DPP6: variants seen among roughly 807,000 people sequenced by gnomAD.
The protein encoded by DPP6 is A-type potassium channel modulatory protein DPP6.
In DPP6, 69 loss-of-function variants were observed where a neutral mutation model predicts 122.6. The ratio of observed to expected loss-of-function variants is 0.56; its 90% CI spans 0.46 to 0.69. The LOEUF (loss-of-function observed/expected upper bound fraction) is 0.69, where lower values mean the gene tolerates loss of function less well. DPP6 is among the 30% of genes least tolerant of loss of function. The pLI is 0.00. For missense variants in DPP6, 928 were observed against 1,116.9 expected (o/e 0.83, Z 2.41); for synonymous variants, 418 against 433.1 (o/e 0.97, Z 0.43).
At chr7:154,130,783 C>A (rs1481149070) in intron 1 of DPP6, among the ~76,000 whole-genome samples, 1 of 151,916 alleles carries the variant, frequency 6.6e-6, no homozygotes. Context: ...GCAGGATATA[C>A]CAACCTGAGA....
intron 10 of DPP6, among the ~76,000 whole-genome samples, chr7:154,780,278 T>A (rs1796941416): frequency 6.6e-6 from 1 of 152,228 alleles, no homozygotes; most frequent in Non-Finnish European, 1.5e-5. Flanking sequence ...GGATCATTAA[T>A]AAAAATGTTC....
At chr7:154,629,374 G>T (rs1200699933) in intron 5 of DPP6, among the ~76,000 whole-genome samples, 4 of 151,484 alleles carry the variant, frequency 2.6e-5, no homozygotes, top group Admixed American at 6.6e-5. Flanking sequence ...TCTCACCCCT[G>T]ACATCTCATG....
chr7:154,776,199 T>TAATAGATAGATAGATA (rs1554463870), intron 10 of DPP6, among the ~76,000 whole-genome samples: 1 of 148,442 alleles, frequency 6.7e-6, no homozygotes, highest in Non-Finnish European at 1.5e-5. Flanking sequence ...CCATGATAGA[T>TAATAGATAGATAGATA]GATAGATAGA....
chr7:153,855,500 T>C, the DPP6 span, among the ~76,000 whole-genome samples: 709 of 152,336 alleles, frequency 4.7e-3, 25 homozygotes, highest in East Asian at 0.082. Flanking sequence ...TTTGCTGCTG[T>C]TGTTGTTCTT....
At chr7:154,628,628 C>T (rs1418427309) in intron 5 of DPP6, among the ~76,000 whole-genome samples, 3 of 152,140 alleles carry the variant, frequency 2.0e-5, no homozygotes, top group Non-Finnish European at 4.4e-5. Flanking sequence ...TCTCCGCCCA[C>T]ATTATTAGAG....
chr7:154,667,396 T>G (rs1287631631), intron 6 of DPP6, among the ~76,000 whole-genome samples: 1 of 152,196 alleles, frequency 6.6e-6, no homozygotes, highest in Non-Finnish European at 1.5e-5. Context: ...TCAAGAGGAA[T>G]TAACCTATGC....
chr7:153,763,068 A>G, the DPP6 span, among the ~76,000 whole-genome samples: 1 of 152,314 alleles, frequency 6.6e-6, no homozygotes, highest in Non-Finnish European at 1.5e-5. Context: ...GAGAAGGCGG[A>G]GAGCAGCAGA....
intron 1 of DPP6, among the ~76,000 whole-genome samples, chr7:154,354,068 G>T (rs113204577): frequency 2.0e-5 from 3 of 152,164 alleles, no homozygotes; most frequent in Admixed American, 6.5e-5. Context: ...GCAAGCCACA[G>T]TCTCCCTCTG....
At chr7:154,769,646 A>T (rs1412518625) in intron 9 of DPP6, 75 bp downstream of exon 9, 1 of 1,430,638 alleles carries the variant, frequency 7.0e-7, no homozygotes, top group Non-Finnish European at 9.2e-7. Flanking sequence ...CTCAGTGTGC[A>T]GACGTGATCA....
rs578043770 is a variant in DPP6, at chr7:154,255,564, G to A, written c.244-190650G>A. ...GGTGTTACCCTTGAACCAGGCAGAC[G>A]TGGGGGAGGCCCAGGCGTCTCATCT... On this transcript the variant is annotated intron_variant, in intron 1 of 25. Transcript: ENST00000377770. Among the ~76,000 whole-genome samples, 58 of 151,898 alleles carry A rather than the reference G, an allele frequency of 3.8e-4. No individual in the cohort carries two copies. In the South Asian group the frequency reaches 9.1e-3, roughly 24 times the overall value.
intron 7 of DPP6, among the ~76,000 whole-genome samples, chr7:154,680,537 T>G (rs553697783): frequency 6.6e-6 from 1 of 152,224 alleles, no homozygotes; most frequent in South Asian, 2.1e-4. Flanking sequence ...TATCAAACAA[T>G]AGCAGGACTA....
intron 1 of DPP6, among the ~76,000 whole-genome samples, chr7:154,210,855 A>T (rs1000912684): frequency 5.9e-5 from 9 of 152,134 alleles, no homozygotes; most frequent in Admixed American, 5.9e-4. Context: ...AGACAAAAGA[A>T]AAAGGCAGCC....
chr7:154,024,075 C>T (rs946811905), intron 1 of DPP6, among the ~76,000 whole-genome samples: 1 of 152,222 alleles, frequency 6.6e-6, no homozygotes, highest in East Asian at 1.9e-4. Context: ...GGAATTTATC[C>T]TACAGGCTGC....
chr7:154,047,642 G>A (rs1800090011), upstream of DPP6, among the ~76,000 whole-genome samples: 2 of 151,730 alleles, frequency 1.3e-5, no homozygotes, highest in African/African-American at 4.9e-5. Flanking sequence ...CTCCTCCAGG[G>A]TGAGAGGTGA....
At chr7:153,837,837 A>ATTTTTTTTTTTTT in the DPP6 span, among the ~76,000 whole-genome samples, 257 of 80,616 alleles carry the variant, frequency 3.2e-3, 26 homozygotes, top group African/African-American at 0.01. Flanking sequence ...TGCCTGGTTA[A>ATTTTTTTTTTTTT]TTTTTTTTTT....
intron 1 of DPP6, among the ~76,000 whole-genome samples, chr7:154,309,722 AAG>A (rs1444076856): frequency 2.6e-5 from 4 of 152,198 alleles, no homozygotes; most frequent in African/African-American, 9.6e-5. Context: ...CAGGAAAAAA[AAG>A]AAGTGAAAAG....
At chr7:154,338,215 G>C (rs1343198694) in intron 1 of DPP6, among the ~76,000 whole-genome samples, 1 of 152,086 alleles carries the variant, frequency 6.6e-6, no homozygotes, top group Admixed American at 6.5e-5. Context: ...ACTCCAAATT[G>C]GACTCTCCAG....
At chr7:154,665,351 G>T (rs1248093868) in intron 6 of DPP6, among the ~76,000 whole-genome samples, 1 of 152,262 alleles carries the variant, frequency 6.6e-6, no homozygotes, top group African/African-American at 2.4e-5. Context: ...TATCAGTAAA[G>T]ACTCATGGGT....
chr7:154,569,286 A>G (rs1830962009), intron 5 of DPP6, among the ~76,000 whole-genome samples: 1 of 152,060 alleles, frequency 6.6e-6, no homozygotes, highest in African/African-American at 2.4e-5. Context: ...AGTATTTAGT[A>G]TCAGTAATTG....
Sources: gnomAD v4.1 joint callset for allele counts (sites outside exome capture counted in the v4.1 genomes callset) on GRCh38, gnomAD v4.1.1 for gene constraint, MANE v1.5 for transcripts, NCBI Gene and HGNC (gene_info 2026-07-23, HGNC 2026-07-21) for gene names.